Variants in DPH1 observed in about 807,000 individuals in gnomAD.
DPH1 encodes 2-(3-amino-3-carboxypropyl)histidine synthase subunit 1.
In DPH1, 59 loss-of-function variants were observed where a neutral mutation model predicts 55.3. The ratio of observed to expected loss-of-function variants is 1.07; its 90% CI spans 0.87 to 1.33. The LOEUF (loss-of-function observed/expected upper bound fraction) is 1.33. DPH1 is among the 40% of genes most tolerant of loss of function. The pLI is 0.00. For synonymous variants in DPH1, 238 were observed against 235.5 expected (o/e 1.01, Z -0.10); for missense variants, 628 against 584.8 (o/e 1.07, Z -0.76).
chr17:2,041,991 T>C, intron 12 of DPH1, 116 bp downstream of exon 12: 1 of 1,490,550 alleles, frequency 6.7e-7, no homozygotes, highest in South Asian at 1.2e-5. Context: ...CCGTGCATTG[T>C]GCTTCCGCTC....
intron 1 of DPH1, among the ~76,000 whole-genome samples, chr17:2,031,464 A>G (rs993689746): frequency 6.8e-6 from 1 of 147,860 alleles, no homozygotes; most frequent in Non-Finnish European, 1.5e-5. Flanking sequence ...CGGGAGGCTG[A>G]GGCAGGAGAA....
intron 3 of DPH1, 51 bp downstream of exon 3, chr17:2,033,893 CT>C (rs1380333488): frequency 1.9e-6 from 3 of 1,605,658 alleles, no homozygotes; most frequent in Non-Finnish European, 2.6e-6. Context: ...CCCCCACCCC[CT>C]ATGCTCATTA....
chr17:2,042,419 A>G lies in DPH1; in HGVS notation c.*19-186A>G, dbSNP rs909172020. The G allele has an allele frequency of 3.2e-5, 40 of 1,247,666 alleles. 2 individuals carry two copies. In the African/African-American group the frequency reaches 5.3e-4, roughly 17 times the overall value. The allele number at this position is 1,247,666 out of a possible 1,614,324, so 77.3% of individuals were successfully genotyped here. On this transcript the variant is annotated intron_variant, in intron 12 of 12. Transcript: ENST00000263083. ...CCTGTCCTCCCAGGCTTCCGCCTTCACCGTCTTCCTCCGCTGTCTCCTGTT... is the reference window on the plus strand; with the variant it reads ...CCTGTCCTCCCAGGCTTCCGCCTTCGCCGTCTTCCTCCGCTGTCTCCTGTT...
intron 1 of DPH1, 31 bp from the exon 2 acceptor site, chr17:2,033,474 G>A (rs2067358321): frequency 6.2e-7 from 1 of 1,613,460 alleles, no homozygotes; most frequent in Non-Finnish European, 8.5e-7. Flanking sequence ...GCCAAAGACA[G>A]ACACCAACTC....
intron 9 of DPH1, 70 bp from the exon 10 acceptor site, chr17:2,041,033 A>G: frequency 6.8e-7 from 1 of 1,464,406 alleles, no homozygotes; most frequent in Non-Finnish European, 9.4e-7. Flanking sequence ...GGGCACTGTC[A>G]TGTTCTTCAG....
intron 12 of DPH1, chr17:2,042,115 G>C: frequency 6.4e-7 from 1 of 1,566,614 alleles, no homozygotes; most frequent in Non-Finnish European, 8.6e-7. Flanking sequence ...CGGGGCTTCC[G>C]TGAGAAGACC....
intron 1 of DPH1, among the ~76,000 whole-genome samples, chr17:2,032,919 GAGT>G (rs1490498016): frequency 6.6e-6 from 1 of 152,080 alleles, no homozygotes; most frequent in Admixed American, 6.6e-5. Context: ...TTTTAGTAGA[GAGT>G]AGTATTTCCC....
chr17:2,036,453 T>G lies in DPH1; in HGVS notation c.401-76T>G. ...GGCTGAAGCCACTGCGCCTGGCTGCTCAGAGACCTGAGCCTGGCCGGGCCC... is the reference window on the plus strand; with the variant it reads ...GGCTGAAGCCACTGCGCCTGGCTGCGCAGAGACCTGAGCCTGGCCGGGCCC... On this transcript the variant is annotated intron_variant, in intron 4 of 12. Coordinates refer to ENST00000263083, the MANE Select transcript of DPH1 (RefSeq NM_001383.6). The surrounding 1 kb of genome is among the most constrained non-coding windows in gnomAD (Gnocchi z 4.8). 6.4e-7 allele frequency: 1 copy of G among 1,574,658 alleles called. No homozygotes were observed. The highest frequency in any genetic ancestry group is 8.7e-7 in the Non-Finnish European group (1 of 1,154,016).
At chr17:2,039,879 A>G in intron 7 of DPH1, 56 bp downstream of exon 7, 1 of 1,610,118 alleles carries the variant, frequency 6.2e-7, no homozygotes, top group Non-Finnish European at 8.5e-7. Context: ...ATTCCCTGCC[A>G]CTGAGGTCCT....
In DPH1 at chr17:2,033,504, G is replaced by A. The variant is rs778877452; in HGVS notation, c.62-1G>A. 1.1e-5 allele frequency: 17 copies of A among 1,613,986 alleles called. No individual in the cohort carries two copies. The highest frequency in any genetic ancestry group is 7.7e-5 in the South Asian group (7 of 91,084). Reference sequence around the variant, plus strand: ...CAACTCAGGCCTTATATCCATTCTAGGTCGGGCCCCTCGGGGCCGCGTGGC... The same window carrying A: ...CAACTCAGGCCTTATATCCATTCTAAGTCGGGCCCCTCGGGGCCGCGTGGC... On this transcript the variant is annotated splice_acceptor_variant, in intron 1 of 12. Transcript: ENST00000263083. LOFTEE classifies it high-confidence loss of function.
At chr17:2,033,035 G>C (rs2067352629) in intron 1 of DPH1, among the ~76,000 whole-genome samples, 1 of 152,170 alleles carries the variant, frequency 6.6e-6, no homozygotes, top group South Asian at 2.1e-4. Context: ...CCCGGCTGCA[G>C]AGGGTTTTTA....
At chr17:2,035,891 G>A (rs1247876667) in intron 3 of DPH1, 79 bp from the exon 4 acceptor site, 46 of 1,584,778 alleles carry the variant, frequency 2.9e-5, no homozygotes, top group Non-Finnish European at 3.8e-5. Flanking sequence ...TGGGCCCTGA[G>A]ACACCCTCCC....
intron 2 of DPH1, 21 bp from the exon 3 acceptor site, chr17:2,033,758 A>T: frequency 1.9e-6 from 3 of 1,614,082 alleles, no homozygotes; most frequent in Non-Finnish European, 2.5e-6. Context: ...TCCACCTCTC[A>T]TGTCTCTGCT....
In DPH1 at chr17:2,033,858, C is replaced by T; in HGVS notation, c.278+16C>T. ...TCTTGGAAAGGTGAGGCTTGGGGCACTGGAGAGGAGGGTGAGCCAGGCTTC... is the reference window on the plus strand; with the variant it reads ...TCTTGGAAAGGTGAGGCTTGGGGCATTGGAGAGGAGGGTGAGCCAGGCTTC... On this transcript the variant is annotated intron_variant, in intron 3 of 12. Coordinates refer to ENST00000263083, the MANE Select transcript of DPH1 (RefSeq NM_001383.6). 1.9e-6 allele frequency: 3 copies of T among 1,613,908 alleles called. No individual in the cohort carries two copies. The highest frequency in any genetic ancestry group is 2.5e-6 in the Non-Finnish European group (3 of 1,179,980).
At position 2,041,615 on chromosome 17, in the gene DPH1, G is replaced by A. The variant is rs763896278; in HGVS notation, c.1221G>A (p.Arg407=). The change falls in exon 11 of 13, where the codon CGG becomes CGA. Residue 407 remains arginine (R), a synonymous_variant. Transcript: ENST00000263083. The part of the protein sequence containing the change: ...RRPHAPGRPA[R]GKVQEGSARP... Reference sequence around the variant, plus strand: ...CCCACGCCCCGGGCCGGCCCGCGCGGGGGAAGGTAGGCGGGGGCTTCCAGG... The same window carrying A: ...CCCACGCCCCGGGCCGGCCCGCGCGAGGGAAGGTAGGCGGGGGCTTCCAGG... 1.2e-6 allele frequency: 2 copies of A among 1,604,264 alleles called. No individual in the cohort carries two copies. Among genetic ancestry groups the A allele is most frequent in the East Asian group, 4.5e-5 (2 of 44,624 alleles).
At position 2,042,973 on chromosome 17, in the gene DPH1, C is replaced by A; in HGVS notation, c.*387C>A. The A allele has an allele frequency of 6.2e-7, 1 of 1,614,146 alleles. No homozygotes were observed. The highest frequency in any genetic ancestry group is 8.5e-7 in the Non-Finnish European group (1 of 1,180,030). On this transcript the variant is annotated 3_prime_UTR_variant, in exon 13 of 13. Transcript: ENST00000263083. ...GGACACTGACAAAGTCATCCCCTCTCAGGAGAGTGTGCAACTGGCCAGCCA... is the reference window on the plus strand; with the variant it reads ...GGACACTGACAAAGTCATCCCCTCTAAGGAGAGTGTGCAACTGGCCAGCCA...
At chr17:2,039,313 G>C (rs151177844) in intron 6 of DPH1, 1 of 159,074 alleles carries the variant, frequency 6.3e-6, no homozygotes, top group African/African-American at 2.4e-5. Flanking sequence ...CACCCGCCTC[G>C]GCCTCCCAAA....
intron 12 of DPH1, 49 bp downstream of exon 12, chr17:2,041,924 G>T: frequency 6.5e-7 from 1 of 1,537,170 alleles, no homozygotes; most frequent in Non-Finnish European, 8.7e-7. Flanking sequence ...GTTGTCATGG[G>T]AACGCCTTGG....
chr17:2,042,961 G>A lies in DPH1; in HGVS notation c.*375G>A, dbSNP rs370411043. 5.4e-5 allele frequency: 87 copies of A among 1,614,042 alleles called. No individual in the cohort carries two copies. In the Middle Eastern group the frequency reaches 6.6e-4, roughly 12 times the overall value. On this transcript the variant is annotated 3_prime_UTR_variant, in exon 13 of 13. Coordinates refer to ENST00000263083, the MANE Select transcript of DPH1 (RefSeq NM_001383.6). ...CCATGTTTTTGGGGACACTGACAAA[G>A]TCATCCCCTCTCAGGAGAGTGTGCA... is the stretch of plus-strand genomic sequence containing the variant.
Sources: allele counts gnomAD v4.1 joint callset (sites outside exome capture counted in the v4.1 genomes callset), GRCh38; gene constraint gnomAD v4.1.1; non-coding constraint Gnocchi (gnomAD v3.1); transcripts MANE v1.5; gene names NCBI Gene and HGNC (gene_info 2026-07-23, HGNC 2026-07-21).